Variants in CPNE5 observed in about 807,000 individuals in gnomAD.
The protein encoded by CPNE5 is copine 5.
A neutral mutation model predicts 81.1 loss-of-function variants in CPNE5; 42 were observed. The observed-to-expected ratio is 0.52, with a 90% CI of 0.40 to 0.67. The LOEUF (loss-of-function observed/expected upper bound fraction) is 0.67, where lower values mean the gene tolerates loss of function less well. Ranked by LOEUF, CPNE5 falls within the 30% of genes least tolerant of loss-of-function variation. The pLI, the probability that CPNE5 is intolerant of heterozygous loss-of-function variation, is 0.00. For synonymous variants in CPNE5, 313 were observed against 321.5 expected (o/e 0.97, Z 0.28); for missense variants, 612 against 815.5 (o/e 0.75, Z 3.04).
At chr6:36,747,118 C>T (rs1562087584) in intron 15 of CPNE5, among the ~76,000 whole-genome samples, 1 of 152,158 alleles carries the variant, frequency 6.6e-6, no homozygotes, top group Non-Finnish European at 1.5e-5. Flanking sequence ...CCCCAGATGT[C>T]CACTCCCTGG....
At position 36,798,442 on chromosome 6, in the gene CPNE5, T is replaced by C. The variant is rs1769792998; in HGVS notation, c.327+13A>G. Reference sequence around the variant, plus strand: ...AACTATGGAATTGCTGAGCAGTTACTGGCAGAACTCACGTGTTTGGATAAA... The same window carrying C: ...AACTATGGAATTGCTGAGCAGTTACCGGCAGAACTCACGTGTTTGGATAAA... On this transcript the variant is annotated intron_variant, in intron 5 of 20. Coordinates refer to ENST00000244751, the MANE Select transcript of CPNE5 (RefSeq NM_020939.2). The C allele has an allele frequency of 6.2e-7, 1 of 1,613,358 alleles. No individual in the cohort carries two copies. Among genetic ancestry groups the C allele is most frequent in the Non-Finnish European group, 8.5e-7 (1 of 1,179,362 alleles).
intron 3 of CPNE5, among the ~76,000 whole-genome samples, chr6:36,807,772 G>A (rs1466033135): frequency 6.6e-6 from 1 of 152,112 alleles, no homozygotes; most frequent in Non-Finnish European, 1.5e-5. Context: ...CGAACAAACC[G>A]ACTTCTCCAT....
rs890283620 is a variant in CPNE5 at position 36,766,934 on chromosome 6, C to T, written c.738-1558G>A. 1.3e-5 allele frequency among the ~76,000 whole-genome samples: 2 copies of T among 152,200 alleles called. No individual in the cohort carries two copies. Among genetic ancestry groups the T allele is most frequent in the Admixed American group, 1.3e-4 (2 of 15,288 alleles). On this transcript the variant is annotated intron_variant, in intron 10 of 20. Coordinates refer to ENST00000244751, the MANE Select transcript of CPNE5 (RefSeq NM_020939.2). The surrounding 1 kb of genome is among the most constrained non-coding windows in gnomAD (Gnocchi z 4.2). ...GCAATGGCGTGATCTCGGCTCATTG[C>T]AACCTCCGCCTCCGGATTCAACTGA... is the stretch of plus-strand genomic sequence containing the variant.
At chr6:36,830,475 C>T (rs957740765) in intron 1 of CPNE5, among the ~76,000 whole-genome samples, 1 of 152,350 alleles carries the variant, frequency 6.6e-6, no homozygotes. Context: ...CCCATCTCCC[C>T]TTTCAGATCC....
chr6:36,764,021 T>C (rs1308473380), intron 11 of CPNE5, among the ~76,000 whole-genome samples: 1 of 152,068 alleles, frequency 6.6e-6, no homozygotes, highest in Non-Finnish European at 1.5e-5. Flanking sequence ...CCTTGGTCAA[T>C]GTGCTGGCCT....
Position 36,793,251 on chromosome 6 carries a change from G to A in CPNE5, c.465-1155C>T, listed in dbSNP as rs572238168. On this transcript the variant is annotated intron_variant, in intron 7 of 20. Coordinates refer to ENST00000244751, the MANE Select transcript of CPNE5 (RefSeq NM_020939.2). ...AGGAGGCAGGGGAGGAAGGGAAGCC[G>A]GCCCTGGAGGGCTGGCAGGACAGCC... Among the ~76,000 whole-genome samples, 10 of 152,176 alleles carry A rather than the reference G, an allele frequency of 6.6e-5. No homozygotes were observed. In the East Asian group the frequency reaches 7.8e-4, roughly 12 times the overall value.
intron 1 of CPNE5, among the ~76,000 whole-genome samples, chr6:36,823,391 C>A (rs1332939030): frequency 6.6e-6 from 1 of 152,216 alleles, no homozygotes; most frequent in Non-Finnish European, 1.5e-5. Flanking sequence ...AGCCACTCAC[C>A]ATCGGGGGAT....
chr6:36,744,982 G>C, intron 18 of CPNE5, 66 bp downstream of exon 18: 2 of 1,127,182 alleles, frequency 1.8e-6, no homozygotes, highest in Non-Finnish European at 2.7e-6. Flanking sequence ...CACATCCCCA[G>C]GGTTCCCCTA....
At position 36,745,204 on chromosome 6, in the gene CPNE5, C is replaced by G. The variant is rs140911115; in HGVS notation, c.1329-54G>C. 9.6e-4 allele frequency: 1,444 copies of G among 1,499,902 alleles called. 8 individuals are homozygous for G. The African/African-American group carries it at 0.016, about 17-fold the overall frequency. The allele number at this position is 1,499,902 out of a possible 1,614,324, so 92.9% of individuals were successfully genotyped here. A position where few individuals can be genotyped will look rare whatever the true frequency, so the allele number is the denominator to read the frequency against. On this transcript the variant is annotated intron_variant, in intron 17 of 20. Transcript: ENST00000244751. ...TGTCTGCGGGACCTCTGGGCATGTT[C>G]CCCCCTAAACAAGGACCCTGAACAC...
At chr6:36,831,861 A>C (rs1355059885) in intron 1 of CPNE5, among the ~76,000 whole-genome samples, 1 of 152,186 alleles carries the variant, frequency 6.6e-6, no homozygotes. Flanking sequence ...CCACCAGTTT[A>C]CAAATGGAGA....
chr6:36,769,406 G>A (rs374877552), intron 10 of CPNE5, among the ~76,000 whole-genome samples: 1 of 152,240 alleles, frequency 6.6e-6, no homozygotes, highest in African/African-American at 2.4e-5. Context: ...CAGCAGGGAT[G>A]AGAGACACCA....
chr6:36,742,749 C>T (rs1182034977), intron 20 of CPNE5: 104 of 985,346 alleles, frequency 1.1e-4, no homozygotes, highest in Non-Finnish European at 1.2e-4. Context: ...CCACTGAACA[C>T]GATTTCTCCA....
chr6:36,827,906 CCGCTGT>C (rs1561827713), intron 1 of CPNE5: 2 of 239,670 alleles, frequency 8.3e-6, no homozygotes, highest in East Asian at 3.6e-4. Flanking sequence ...TACAACCCTT[CCGCTGT>C]CTGCACAGCA....
intron 7 of CPNE5, among the ~76,000 whole-genome samples, chr6:36,793,992 G>C (rs1164905873): frequency 2.0e-5 from 3 of 152,104 alleles, no homozygotes; most frequent in Non-Finnish European, 4.4e-5. Flanking sequence ...GGAGGGGGAG[G>C]CTCTGCGTTG....
At chr6:36,828,308 CAAAAAAAAAAAA>C (rs11444450) in intron 1 of CPNE5, among the ~76,000 whole-genome samples, 4 of 78,650 alleles carry the variant, frequency 5.1e-5, no homozygotes, top group East Asian at 3.6e-4. Flanking sequence ...AACAACAAAC[CAAAAAAAAAAAA>C]AAAAAAAAAG....
intron 10 of CPNE5, among the ~76,000 whole-genome samples, chr6:36,771,238 C>G (rs922092061): frequency 6.6e-6 from 1 of 152,214 alleles, no homozygotes; most frequent in Non-Finnish European, 1.5e-5. Flanking sequence ...CCCAGATGCA[C>G]CCTGGTCACA....
chr6:36,792,409 G>A, intron 7 of CPNE5: 1 of 1,428,742 alleles, frequency 7.0e-7, no homozygotes. Flanking sequence ...GAGGCTTCCA[G>A]ACCAGTGGTT....
intron 9 of CPNE5, among the ~76,000 whole-genome samples, chr6:36,777,204 C>T (rs1319880009): frequency 6.6e-6 from 1 of 152,168 alleles, no homozygotes; most frequent in African/African-American, 2.4e-5. Context: ...CATCCAAGTC[C>T]GGCCGAGTGA....
chr6:36,770,439 C>T (rs1582817730), intron 10 of CPNE5, among the ~76,000 whole-genome samples: 1 of 152,182 alleles, frequency 6.6e-6, no homozygotes. Context: ...GGTCCATGTC[C>T]TAAGTCCTCA....
Sources: gnomAD v4.1 joint callset for allele counts (sites outside exome capture counted in the v4.1 genomes callset) on GRCh38, gnomAD v4.1.1 for gene constraint, Gnocchi (gnomAD v3.1) non-coding constraint, MANE v1.5 for transcripts, NCBI Gene and HGNC (gene_info 2026-07-23, HGNC 2026-07-21) for gene names.